Variants in PCDHA5 observed in about 807,000 individuals in gnomAD.
PCDHA5 encodes the protein protocadherin alpha-5.
A neutral mutation model predicts 61.6 loss-of-function variants in PCDHA5; 43 were observed. The ratio of observed to expected loss-of-function variants is 0.70; its 90% confidence interval spans 0.55 to 0.90. The LOEUF (loss-of-function observed/expected upper bound fraction) is 0.90. Among genes scored for constraint, PCDHA5 ranks in the 40% least tolerant of loss-of-function variants. PCDHA5 has a pLI of 0.00. For missense variants in PCDHA5, 1,298 were observed against 1,222.7 expected (o/e 1.06, Z -0.92); for synonymous variants, 627 against 543.9 (o/e 1.15, Z -2.13).
chr5:140,822,922 C>A lies in PCDHA5; in HGVS notation c.1147C>A (p.Gln383Lys). Residue 383 changes from glutamine to lysine, a missense_variant, in exon 1 of 4, where the codon CAG becomes AAG. Coordinates refer to ENST00000529859, the MANE Select transcript of PCDHA5 (RefSeq NM_018908.3). ...TGACCGTGACTCAGGTGCCAACGGG[C>A]AGGTGACCTGCTCCCTAATGCCCCA... ...VSDRDSGANG[Q>K]VTCSLMPHVP... 1 of 1,614,270 alleles carries A rather than the reference C, an allele frequency of 6.2e-7. No individual in the cohort carries two copies. The highest frequency in any genetic ancestry group is 8.5e-7 in the Non-Finnish European group (1 of 1,180,056).
intron 1 of PCDHA5, among the ~76,000 whole-genome samples, chr5:140,872,172 T>G (rs912989922): frequency 6.6e-6 from 1 of 152,230 alleles, no homozygotes; most frequent in Non-Finnish European, 1.5e-5. Flanking sequence ...TTTCTTTTTT[T>G]TTTTTACAGT....
chr5:140,869,415 C>T (rs1444507177), intron 1 of PCDHA5: 2 of 1,614,216 alleles, frequency 1.2e-6, no homozygotes, highest in South Asian at 1.1e-5. Context: ...AGTGCAGCAT[C>T]CACCTGGAGG....
chr5:140,822,064 C>T lies in PCDHA5; in HGVS notation c.289C>T (p.Arg97Trp). Residue 97 changes from arginine to tryptophan, a missense_variant, in exon 1 of 4, where the codon CGG (arginine) becomes TGG (tryptophan). Arg to Trp is a moderately radical substitution (Grantham distance 101). Transcript: ENST00000529859. ...GATCGACCGGGAGGAGCTGTGCCGG[C>T]GGAGGGCGGAGTGCAGCATCCACCT... ...SRIDREELCR[R>W]RAECSIHLEV... 1 of 1,614,194 alleles carries T rather than the reference C, an allele frequency of 6.2e-7. No individual in the cohort carries two copies. Among genetic ancestry groups the T allele is most frequent in the Non-Finnish European group, 8.5e-7 (1 of 1,180,034 alleles).
At chr5:140,911,189 A>T (rs1369810973) in intron 1 of PCDHA5, among the ~76,000 whole-genome samples, 1 of 152,126 alleles carries the variant, frequency 6.6e-6, no homozygotes, top group African/African-American at 2.4e-5. Flanking sequence ...TGGGTTGGGG[A>T]GGACATGTTG....
At chr5:140,845,550 G>C (rs185907796) in intron 1 of PCDHA5, among the ~76,000 whole-genome samples, 1 of 149,478 alleles carries the variant, frequency 6.7e-6, no homozygotes, top group East Asian at 1.9e-4. Flanking sequence ...TTATGGTGAT[G>C]CTTTTAGCTA....
At chr5:140,867,891 G>A (rs1468636250) in intron 1 of PCDHA5, 1 of 152,016 alleles carries the variant, frequency 6.6e-6, no homozygotes, top group Non-Finnish European at 1.5e-5. Flanking sequence ...CACAATATCA[G>A]GTACTTACAG....
At chr5:140,911,987 G>A (rs1554195079) in intron 1 of PCDHA5, among the ~76,000 whole-genome samples, 1 of 152,086 alleles carries the variant, frequency 6.6e-6, no homozygotes, top group Admixed American at 6.6e-5. Context: ...TGATCACAAG[G>A]TCCCACAATA....
intron 1 of PCDHA5, chr5:140,829,831 G>A (rs2150175652): frequency 6.2e-7 from 1 of 1,613,918 alleles, no homozygotes; most frequent in Non-Finnish European, 8.5e-7. Context: ...TGAGCGAGCT[G>A]GTGCCGCGGT....
At chr5:140,937,890 C>G (rs1209951664) in intron 1 of PCDHA5, among the ~76,000 whole-genome samples, 1 of 145,964 alleles carries the variant, frequency 6.9e-6, no homozygotes, top group Non-Finnish European at 1.5e-5. Flanking sequence ...CCAGCCTGGG[C>G]GACAGAGTGA....
At chr5:140,949,682 A>T (rs1229666281) in intron 1 of PCDHA5, among the ~76,000 whole-genome samples, 3 of 151,768 alleles carry the variant, frequency 2.0e-5, no homozygotes, top group Non-Finnish European at 4.4e-5. Context: ...CCCTTGTTGA[A>T]GCGTATTGTT....
In PCDHA5 at chr5:140,988,105, A is replaced by C. The variant is rs2097283158; in HGVS notation, c.2500+5542A>C. On this transcript the variant is annotated intron_variant, in intron 3 of 3. Transcript: ENST00000529859. ...TGAGTGCAGCCTCGGGCCTTGTTGGAGAATTTAGAAAGCATGCTGTTCCAC... is the reference window on the plus strand; with the variant it reads ...TGAGTGCAGCCTCGGGCCTTGTTGGCGAATTTAGAAAGCATGCTGTTCCAC... Among the ~76,000 whole-genome samples the C allele has an allele frequency of 2.6e-5, 4 of 152,138 alleles. No individual in the cohort carries two copies. In the South Asian group the frequency reaches 8.3e-4, roughly 32 times the overall value.
chr5:140,883,421 G>A (rs1398671591), intron 1 of PCDHA5: 1 of 1,614,022 alleles, frequency 6.2e-7, no homozygotes, highest in Non-Finnish European at 8.5e-7. Flanking sequence ...AAATGGACAG[G>A]TCACCTGCAC....
intron 1 of PCDHA5, among the ~76,000 whole-genome samples, chr5:140,937,150 G>A (rs2153631833): frequency 6.7e-6 from 1 of 149,812 alleles, no homozygotes; most frequent in East Asian, 2.0e-4. Context: ...CCATTCTCCT[G>A]CCTCAGCCTC....
At position 140,858,138 on chromosome 5, in the gene PCDHA5, A is replaced by T. The variant is rs577433161; in HGVS notation, c.2352+34011A>T. On this transcript the variant is annotated intron_variant, in intron 1 of 3. Coordinates refer to ENST00000529859, the MANE Select transcript of PCDHA5 (RefSeq NM_018908.3). ...GTGGCCCTGGTGGATGTCAACGTGT[A>T]CCTGATCATCGCCATCTGCGCGGTG... 43 of 1,597,514 alleles carry T rather than the reference A, an allele frequency of 2.7e-5. 1 individual carries two copies. The African/African-American group carries it at 5.5e-4, about 20-fold the overall frequency.
At chr5:140,916,323 C>G (rs1035282237) in intron 1 of PCDHA5, among the ~76,000 whole-genome samples, 2 of 152,210 alleles carry the variant, frequency 1.3e-5, no homozygotes. Flanking sequence ...ACAAAGTCCC[C>G]TTTACTTTTT....
intron 1 of PCDHA5, among the ~76,000 whole-genome samples, chr5:140,826,768 T>TA (rs1769047468): frequency 6.6e-6 from 1 of 152,046 alleles, no homozygotes; most frequent in Non-Finnish European, 1.5e-5. Context: ...TATTGGAGAG[T>TA]AATTGAAAAT....
At chr5:140,968,167 A>C (rs782252124) in intron 1 of PCDHA5, 1 of 1,614,076 alleles carries the variant, frequency 6.2e-7, no homozygotes, top group Admixed American at 1.7e-5. Flanking sequence ...ACAATCCACC[A>C]AGCTTCCTGG....
At chr5:140,850,223 A>T in intron 1 of PCDHA5, 1 of 1,593,640 alleles carries the variant, frequency 6.3e-7, no homozygotes, top group Non-Finnish European at 8.6e-7. Flanking sequence ...CTGACGGCGC[A>T]GTGAGCGAGA....
At chr5:140,960,715 CTTATTTTAGTCCA>C (rs60915889) in intron 1 of PCDHA5, among the ~76,000 whole-genome samples, 85,456 of 151,802 alleles carry the variant, frequency 0.56, 24,653 homozygotes, top group African/African-American at 0.69. Flanking sequence ...AAATACTCAT[CTTATTTTAGTCCA>C]TGATTTTAGT....
Sources: allele counts gnomAD v4.1 joint callset (sites outside exome capture counted in the v4.1 genomes callset), GRCh38; gene constraint gnomAD v4.1.1; transcripts MANE v1.5; gene names NCBI Gene and HGNC (gene_info 2026-07-23, HGNC 2026-07-21).